Variants in PAK3 observed in about 807,000 individuals in gnomAD.
The protein encoded by PAK3 is serine/threonine-protein kinase PAK 3.
A neutral mutation model predicts 41.0 loss-of-function variants in PAK3; 4 were observed. The ratio of observed to expected loss-of-function variants is 0.10; its 90% CI spans 0.05 to 0.22. The LOEUF (loss-of-function observed/expected upper bound fraction) is 0.22, where lower values mean the gene tolerates loss of function less well. Ranked by LOEUF, PAK3 falls within the 10% of genes least tolerant of loss-of-function variation. The probability of loss-of-function intolerance (pLI) is 1.00; values close to 1 mark genes in which losing one functional copy is unlikely to be tolerated. For synonymous variants in PAK3, 146 were observed against 139.6 expected, an observed-to-expected ratio of 1.05 and a Z score of -0.32; for missense variants, 205 against 409.9, an observed-to-expected ratio of 0.50 and a Z score of 4.32.
chrX:111,060,801 A>G (rs1171651092), intron 1 of PAK3, among the ~76,000 whole-genome samples: 16 of 111,715 alleles, frequency 1.4e-4, no homozygotes, highest in African/African-American at 4.6e-4. Context: ...GTCATTTAAC[A>G]TGTTCTTTGC....
intron 1 of PAK3, among the ~76,000 whole-genome samples, chrX:110,950,841 G>A (rs769618465): frequency 2.9e-4 from 32 of 111,474 alleles, no homozygotes; most frequent in African/African-American, 1.0e-3. Context: ...CTGGTTTGGA[G>A]TTTGATTTGC....
chrX:111,046,381 A>G (rs1275440661), intron 1 of PAK3, among the ~76,000 whole-genome samples: 1 of 111,754 alleles, frequency 8.9e-6, no homozygotes, highest in Non-Finnish European at 1.9e-5. Flanking sequence ...GTATGACTTA[A>G]AACAAGTCAT....
chrX:111,032,214 G>A (rs1054311582), intron 1 of PAK3, among the ~76,000 whole-genome samples: 4 of 112,090 alleles, frequency 3.6e-5, no homozygotes, highest in Non-Finnish European at 7.5e-5. Flanking sequence ...AGAAAGTAAG[G>A]AATAACACAT....
At chrX:111,212,061 G>A (rs1480687678) in intron 16 of PAK3, among the ~76,000 whole-genome samples, 1 of 111,916 alleles carries the variant, frequency 8.9e-6, no homozygotes, top group Non-Finnish European at 1.9e-5. Flanking sequence ...AATAGAACCT[G>A]GTGGACTATT....
intron 16 of PAK3, among the ~76,000 whole-genome samples, chrX:111,198,636 G>C (rs1465971715): frequency 9.0e-6 from 1 of 111,059 alleles, no homozygotes; most frequent in African/African-American, 3.3e-5. Context: ...AGGTGGTTGT[G>C]GGTGTGTGAC....
chrX:111,040,584 T>C (rs1413035945), intron 1 of PAK3, among the ~76,000 whole-genome samples: 2 of 111,837 alleles, frequency 1.8e-5, no homozygotes, highest in African/African-American at 6.5e-5. Context: ...TCCCTGTGAG[T>C]GTCTAGGTAA....
intron 6 of PAK3, among the ~76,000 whole-genome samples, chrX:111,145,851 T>C (rs1188542561): frequency 2.7e-5 from 3 of 111,970 alleles, no homozygotes. Flanking sequence ...TGGTTTGAAA[T>C]GGAATTGTTC....
intron 1 of PAK3, among the ~76,000 whole-genome samples, chrX:111,014,879 C>T (rs1009192714): frequency 2.9e-4 from 32 of 111,331 alleles, no homozygotes; most frequent in African/African-American, 1.0e-3. Context: ...GAGAAGCAGC[C>T]CAGGAAATAA....
At chrX:111,049,492 A>C (rs2092534618) in intron 1 of PAK3, among the ~76,000 whole-genome samples, 1 of 111,989 alleles carries the variant, frequency 8.9e-6, no homozygotes, top group Admixed American at 9.5e-5. Flanking sequence ...TTAGCAGCAG[A>C]GTGGTTACTG....
intron 5 of PAK3, among the ~76,000 whole-genome samples, chrX:111,130,860 C>G (rs1379530032): frequency 6.3e-5 from 7 of 111,677 alleles, no homozygotes; most frequent in Non-Finnish European, 1.3e-4. Context: ...CTTCTTCAAA[C>G]TTCCTATGAT....
intron 1 of PAK3, among the ~76,000 whole-genome samples, chrX:111,032,638 C>T (rs1236696534): frequency 1.8e-5 from 2 of 111,460 alleles, no homozygotes; most frequent in Non-Finnish European, 3.8e-5. Flanking sequence ...CACTTGCAGA[C>T]CCTTATTAGA....
intron 1 of PAK3, among the ~76,000 whole-genome samples, chrX:110,991,698 T>C (rs1225446660): frequency 2.7e-5 from 3 of 112,321 alleles, no homozygotes; most frequent in Non-Finnish European, 5.6e-5. Context: ...TGCCAAATCT[T>C]ACTACTAAGA....
chrX:111,058,459 T>A (rs765954130), intron 1 of PAK3, among the ~76,000 whole-genome samples: 2 of 111,823 alleles, frequency 1.8e-5, no homozygotes, highest in East Asian at 5.6e-4. Context: ...CTTTTTGTAG[T>A]TTTTCACCAT....
intron 1 of PAK3, among the ~76,000 whole-genome samples, chrX:111,006,747 A>C (rs1033708751): frequency 1.8e-5 from 2 of 110,294 alleles, no homozygotes; most frequent in Non-Finnish European, 3.8e-5. Context: ...CATCTCCTGG[A>C]GATCTGGTTA....
chrX:111,043,158 A>G (rs997460610), intron 1 of PAK3, among the ~76,000 whole-genome samples: 2 of 110,395 alleles, frequency 1.8e-5, no homozygotes, highest in Non-Finnish European at 3.8e-5. Flanking sequence ...GCCAGGTGTG[A>G]TGGCACACAC....
intron 1 of PAK3, among the ~76,000 whole-genome samples, chrX:111,029,439 A>G (rs1236104834): frequency 9.8e-5 from 11 of 111,929 alleles, no homozygotes; most frequent in Non-Finnish European, 1.9e-4. Context: ...CTGAGAACAT[A>G]AACAGTCAAT....
At position 111,075,580 on chromosome X, in the gene PAK3, AACAGCCTGC is replaced by A. The variant is rs907803666; in HGVS notation, c.-27-47496_-27-47488del. Among the ~76,000 whole-genome samples, 11 of 112,917 alleles carry A rather than the reference AACAGCCTGC, an allele frequency of 9.7e-5. No individual in the cohort carries two copies. In the Admixed American group the frequency reaches 1.0e-3, roughly 10 times the overall value. On this transcript the variant is annotated intron_variant, in intron 1 of 14. Transcript: ENST00000425146. ...TATGGGAAAACCTGAACAACCAGGCAACAGCCTGCTGCAGTAGCAGATTCCCTGACAGAG... is the reference window on the plus strand; with the variant it reads ...TATGGGAAAACCTGAACAACCAGGCATGCAGTAGCAGATTCCCTGACAGAG...
intron 16 of PAK3, among the ~76,000 whole-genome samples, chrX:111,201,754 G>A (rs1603383921): frequency 1.1e-5 from 1 of 89,233 alleles, no homozygotes; most frequent in African/African-American, 9.0e-5. Flanking sequence ...CTATCTTACA[G>A]AGTTAGCATG....
At chrX:111,091,019 T>A (rs1385781462) in intron 1 of PAK3, among the ~76,000 whole-genome samples, 2 of 111,893 alleles carry the variant, frequency 1.8e-5, no homozygotes, top group Non-Finnish European at 3.8e-5. Flanking sequence ...GAGCATCAGC[T>A]CAATTAAACA....
Sources: allele counts gnomAD v4.1 joint callset (sites outside exome capture counted in the v4.1 genomes callset), GRCh38; gene constraint gnomAD v4.1.1; transcripts MANE v1.5; gene names NCBI Gene and HGNC (gene_info 2026-07-23, HGNC 2026-07-21).